The following PRKN variants were observed in gnomAD, a reference collection of about 807,000 sequenced individuals.
PRKN encodes parkin RBR E3 ubiquitin protein ligase.
PRKN carries 56 observed loss-of-function variants against 59.5 expected under a neutral mutation model. The observed-to-expected ratio is 0.94, with a 90% CI of 0.76 to 1.18. The LOEUF is 1.18. Ranked by LOEUF, PRKN falls within the 50% of genes most tolerant of loss-of-function variation. PRKN has a pLI of 0.00. For missense variants in PRKN, 657 were observed against 596.4 expected (o/e 1.10, Z -1.06); for synonymous variants, 250 against 222.1 (o/e 1.13, Z -1.12).
At chr6:162,437,096 A>AAAAT (rs1554323722) in intron 2 of PRKN, among the ~76,000 whole-genome samples, 1 of 147,578 alleles carries the variant, frequency 6.8e-6, no homozygotes, top group Non-Finnish European at 1.5e-5. Context: ...TGTCTCAAAA[A>AAAAT]AAATAAATAA....
At chr6:162,199,216 T>TA (rs34978700) in intron 4 of PRKN, among the ~76,000 whole-genome samples, 12,649 of 145,770 alleles carry the variant, frequency 0.087, 1,474 homozygotes, top group African/African-American at 0.27. Flanking sequence ...ATCTGTGTGT[T>TA]AAAAAAAAAA....
At chr6:162,327,658 G>C (rs1037823966) in intron 2 of PRKN, among the ~76,000 whole-genome samples, 2 of 148,954 alleles carry the variant, frequency 1.3e-5, no homozygotes, top group African/African-American at 4.9e-5. Context: ...TTCAATGTTA[G>C]GTTTTGAAAA....
intron 1 of PRKN, among the ~76,000 whole-genome samples, chr6:162,537,701 T>C (rs923724931): frequency 3.3e-5 from 5 of 152,194 alleles, no homozygotes; most frequent in Non-Finnish European, 5.9e-5. Flanking sequence ...AATCTTGTCC[T>C]GTCCCTATTT....
intron 7 of PRKN, among the ~76,000 whole-genome samples, chr6:161,587,323 G>T (rs1781555682): frequency 6.6e-6 from 1 of 152,158 alleles, no homozygotes; most frequent in African/African-American, 2.4e-5. Flanking sequence ...CTATAAAGAA[G>T]ACGCAATGAA....
chr6:162,662,032 C>T (rs901963407), intron 1 of PRKN, among the ~76,000 whole-genome samples: 9 of 152,048 alleles, frequency 5.9e-5, no homozygotes, highest in African/African-American at 2.2e-4. Flanking sequence ...ATGTTTAGCC[C>T]CCATCTGTGA....
intron 2 of PRKN, among the ~76,000 whole-genome samples, chr6:162,341,789 G>C (rs1784190820): frequency 6.6e-6 from 1 of 151,956 alleles, no homozygotes; most frequent in Non-Finnish European, 1.5e-5. Context: ...ATAGCATTAG[G>C]AGAAATACCT....
At chr6:161,701,302 T>C (rs1052116572) in intron 7 of PRKN, among the ~76,000 whole-genome samples, 2 of 152,222 alleles carry the variant, frequency 1.3e-5, no homozygotes, top group African/African-American at 4.8e-5. Context: ...GTGTGACCCA[T>C]TATGTGTGAC....
intron 2 of PRKN, among the ~76,000 whole-genome samples, chr6:162,289,332 C>T (rs1229589226): frequency 1.3e-5 from 2 of 152,072 alleles, no homozygotes; most frequent in Non-Finnish European, 2.9e-5. Flanking sequence ...CTAATGACCA[C>T]ACTTTCACTT....
chr6:161,394,079 G>A (rs1469590865), intron 9 of PRKN, among the ~76,000 whole-genome samples: 1 of 152,188 alleles, frequency 6.6e-6, no homozygotes, highest in Non-Finnish European at 1.5e-5. Context: ...GTCACCAGCC[G>A]CTGATATATG....
At chr6:162,685,823 C>T (rs973166143) in intron 1 of PRKN, among the ~76,000 whole-genome samples, 2 of 152,146 alleles carry the variant, frequency 1.3e-5, no homozygotes, top group African/African-American at 4.8e-5. Context: ...CCTCCCCTGC[C>T]ATAATTTGCC....
chr6:161,807,816 A>G (rs1393227415), intron 6 of PRKN, among the ~76,000 whole-genome samples: 1 of 152,168 alleles, frequency 6.6e-6, no homozygotes, highest in East Asian at 1.9e-4. Context: ...CTTAACTTAG[A>G]TCTTCATAAC....
At chr6:162,441,945 A>G (rs1790073524) in intron 2 of PRKN, among the ~76,000 whole-genome samples, 1 of 152,148 alleles carries the variant, frequency 6.6e-6, no homozygotes, top group Admixed American at 6.5e-5. Flanking sequence ...TTATTTGTGA[A>G]GGAAACATCC....
intron 9 of PRKN, among the ~76,000 whole-genome samples, chr6:161,524,486 C>T (rs758815257): frequency 2.0e-4 from 31 of 152,268 alleles, no homozygotes; most frequent in African/African-American, 6.5e-4. Context: ...GCTAGAACTA[C>T]GGCTGCATGC....
At position 161,446,873 on chromosome 6, in the gene PRKN, A is replaced by G. The variant is rs1460615283; in HGVS notation, c.1084-59996T>C. On this transcript the variant is annotated intron_variant, in intron 9 of 11. Transcript: ENST00000366898. The surrounding 1 kb of genome is among the most constrained non-coding windows in gnomAD (Gnocchi z 6.2). ...CCCATTTTTCTGCTGTATACATAGA[A>G]AAGGACAACAGCCACTCCCTCAACC... Among the ~76,000 whole-genome samples, 1 of 152,144 alleles carries G rather than the reference A, an allele frequency of 6.6e-6. No individual in the cohort carries two copies. The highest frequency in any genetic ancestry group is 2.4e-5 in the African/African-American group (1 of 41,446).
Position 161,546,871 on chromosome 6 carries a change from T to G in PRKN, c.1083+1983A>C, listed in dbSNP as rs1034165138. ...GACAAACAGCCTAAGACAAGGGCCA[T>G]GTGGTGAGGAACTGTGGCCTTCTGA... On this transcript the variant is annotated intron_variant, in intron 9 of 11. Coordinates refer to ENST00000366898, the MANE Select transcript of PRKN (RefSeq NM_004562.3). This position sits in a 1 kb window ranked among gnomAD's most constrained non-coding sequence, Gnocchi z 4.4. Among the ~76,000 whole-genome samples the G allele has an allele frequency of 1.5e-4, 23 of 152,174 alleles. No individual in the cohort carries two copies. The highest frequency in any genetic ancestry group is 5.5e-4 in the African/African-American group (23 of 41,520).
intron 6 of PRKN, among the ~76,000 whole-genome samples, chr6:161,849,383 CT>C (rs1793333138): frequency 6.6e-6 from 1 of 152,154 alleles, no homozygotes; most frequent in Admixed American, 6.5e-5. Flanking sequence ...TTGCAATTTT[CT>C]GATCTCTGTA....
chr6:161,382,073 T>C (rs939638017), intron 10 of PRKN, among the ~76,000 whole-genome samples: 5 of 138,408 alleles, frequency 3.6e-5, no homozygotes, highest in South Asian at 2.4e-4. Context: ...GATAGCGCCA[T>C]TGTAGTCCGG....
chr6:161,822,247 C>G (rs966839745), intron 6 of PRKN, among the ~76,000 whole-genome samples: 2 of 152,064 alleles, frequency 1.3e-5, no homozygotes, highest in East Asian at 3.9e-4. Context: ...AAACACTGGG[C>G]AAGGGGACAT....
chr6:161,369,958 C>A lies in PRKN; in HGVS notation c.1168-9753G>T, dbSNP rs1785374280. Reference sequence around the variant, plus strand: ...GTGAGTAAGATCAACACACAAACGGCTTAGCACAGAGCCAGGTGCACCCTG... The same window carrying A: ...GTGAGTAAGATCAACACACAAACGGATTAGCACAGAGCCAGGTGCACCCTG... On this transcript the variant is annotated intron_variant, in intron 10 of 11. Transcript: ENST00000366898. This position sits in a 1 kb window ranked among gnomAD's most constrained non-coding sequence, Gnocchi z 5.8. 2.2e-6 allele frequency: 1 copy of A among 445,702 alleles called. No individual in the cohort carries two copies. The highest frequency in any genetic ancestry group is 7.0e-5 in the East Asian group (1 of 14,210). The allele number at this position is 445,702 out of a possible 1,614,324, so 27.6% of individuals were successfully genotyped here. A position where few individuals can be genotyped will look rare whatever the true frequency, so the allele number is the denominator to read the frequency against.
Sources: gnomAD v4.1 joint callset for allele counts (sites outside exome capture counted in the v4.1 genomes callset) on GRCh38, gnomAD v4.1.1 for gene constraint, Gnocchi (gnomAD v3.1) non-coding constraint, MANE v1.5 for transcripts, NCBI Gene and HGNC (gene_info 2026-07-23, HGNC 2026-07-21) for gene names.